CD8A: variants seen among roughly 807,000 people sequenced by gnomAD.
CD8A encodes T-cell surface glycoprotein CD8 alpha chain.
CD8A carries 25 observed loss-of-function variants against 24.2 expected under a neutral mutation model. That is an observed-to-expected ratio of 1.03 (90% CI 0.75 to 1.44). The LOEUF is 1.44. Among genes scored for constraint, CD8A ranks in the 40% most tolerant of loss-of-function variants. The pLI is 0.00. For missense variants in CD8A, 360 were observed against 319.7 expected (o/e 1.13, Z -0.96); for synonymous variants, 165 against 149.9 (o/e 1.10, Z -0.74).
chr2:86,787,898 AGTGTGT>A (rs34388912), intron 5 of CD8A, among the ~76,000 whole-genome samples: 2 of 144,490 alleles, frequency 1.4e-5, no homozygotes, highest in African/African-American at 2.6e-5. Flanking sequence ...AGAGAGAGAG[AGTGTGT>A]GTGTGTGTGT....
At chr2:86,793,294 T>C (rs1213917571), upstream of CD8A, among the ~76,000 whole-genome samples, 1 of 152,214 alleles carries the variant, frequency 6.6e-6, no homozygotes, top group Non-Finnish European at 1.5e-5. Flanking sequence ...CTGTGGTAGA[T>C]ATAATGTATC....
chr2:86,785,710 GA>G lies in CD8A; in HGVS notation c.*209del, dbSNP rs771094494. The G allele has an allele frequency of 4.2e-6, 3 of 716,320 alleles. No homozygotes were observed. The South Asian group carries it at 4.4e-5, about 10-fold the overall frequency. 44.4% of individuals were successfully genotyped at this position (716,320 alleles called of 1,614,324 possible). On this transcript the variant is annotated 3_prime_UTR_variant, in exon 6 of 6. Transcript: ENST00000283635. ...CGCGATGTGCGCACAACAGTATTGT[GA>G]CCCTTGTGGTGTACTGTAGATTTTA...
At chr2:86,788,665 G>C in intron 4 of CD8A, 105 bp from the exon 5 acceptor site, 1 of 1,101,058 alleles carries the variant, frequency 9.1e-7, no homozygotes, top group South Asian at 1.3e-5. Context: ...GCTGTTTTTT[G>C]GTTTTACAAA....
Position 86,790,406 on chromosome 2 carries a change from T to G in CD8A, c.325A>C (p.Asn109His). The G allele has an allele frequency of 1.9e-6, 3 of 1,614,044 alleles. No individual in the cohort carries two copies. The highest frequency in any genetic ancestry group is 2.5e-6 in the Non-Finnish European group (3 of 1,179,984). Residue 109 changes from asparagine to histidine, a missense_variant, in exon 2 of 6, where the codon AAC becomes CAC. By Grantham distance (68) the Asn-to-His change is moderately conservative (BLOSUM62 1). Coordinates refer to ENST00000283635, the MANE Select transcript of CD8A (RefSeq NM_001768.7). ...GCCGAGCAGAAATAGTAGCCCTCGT[T>G]CTCTCGGCGGAAGTCGCTCAGGGTG... Reference protein sequence around the residue: ...VLTLSDFRRENEGYYFCSALS... With the variant: ...VLTLSDFRREHEGYYFCSALS...
At chr2:86,791,115 G>A, upstream of CD8A, 2 of 681,326 alleles carry the variant, frequency 2.9e-6, no homozygotes, top group Non-Finnish European at 5.4e-6. Flanking sequence ...TGGGGATGAG[G>A]AAAAGGGCTT....
chr2:86,799,667 A>G (rs1363203485), intron 3 of CD8A, among the ~76,000 whole-genome samples: 1 of 152,064 alleles, frequency 6.6e-6, no homozygotes, highest in Non-Finnish European at 1.5e-5. Context: ...GCGGCAGGAG[A>G]ATGGCTTGAA....
chr2:86,786,251 G>C (rs1672992513), intron 5 of CD8A, among the ~76,000 whole-genome samples: 1 of 152,230 alleles, frequency 6.6e-6, no homozygotes, highest in Non-Finnish European at 1.5e-5. Context: ...GGCTGAGCCA[G>C]GATCTAAACC....
chr2:86,786,822 C>T (rs966404564), intron 5 of CD8A, among the ~76,000 whole-genome samples: 9 of 151,760 alleles, frequency 5.9e-5, no homozygotes, highest in African/African-American at 1.5e-4. Flanking sequence ...AGATCGAGAC[C>T]ATCCTGGCTA....
upstream of CD8A, among the ~76,000 whole-genome samples, chr2:86,795,770 T>C (rs552826879): frequency 6.6e-6 from 1 of 152,150 alleles, no homozygotes; most frequent in Non-Finnish European, 1.5e-5. Flanking sequence ...GCCACCCATG[T>C]AAGGCCTAGT....
rs1220913086 is a variant in CD8A at position 86,785,670 on chromosome 2, C to T, written c.*250G>A. On this transcript the variant is annotated 3_prime_UTR_variant, in exon 6 of 6. Transcript: ENST00000283635. ...CTCTGCGGGTAGCTCTGGCCTGCCC[C>T]TTTCCACGCCCTACCGCGATGTGCG... 1.5e-6 allele frequency: 1 copy of T among 675,456 alleles called. No homozygotes were observed. 41.8% of individuals were successfully genotyped at this position (675,456 alleles called of 1,614,324 possible). A position where few individuals can be genotyped will look rare whatever the true frequency, so the allele number is the denominator to read the frequency against.
At chr2:86,786,013 G>T (rs1672984965) in intron 5 of CD8A, 42 bp from the exon 6 acceptor site, 14 of 1,512,216 alleles carry the variant, frequency 9.3e-6, no homozygotes, top group Non-Finnish European at 1.2e-5. Flanking sequence ...CCAGAACCCC[G>T]CCAGTGCAGC....
chr2:86,797,538 G>A (rs1163048229), intron 3 of CD8A, among the ~76,000 whole-genome samples: 3 of 152,128 alleles, frequency 2.0e-5, no homozygotes, highest in African/African-American at 4.8e-5. Context: ...ATTGGTGGAT[G>A]ATAAGATGAG....
chr2:86,807,937 C>A (rs116467335), intron 1 of CD8A, among the ~76,000 whole-genome samples: 1 of 152,084 alleles, frequency 6.6e-6, no homozygotes, highest in African/African-American at 2.4e-5. Context: ...CCAACCGCAC[C>A]GGTGGAGACA....
intron 3 of CD8A, among the ~76,000 whole-genome samples, chr2:86,798,813 T>C (rs34855635): frequency 0.19 from 29,479 of 152,252 alleles, 3,124 homozygotes; most frequent in Non-Finnish European, 0.25. Flanking sequence ...TGAACCACTG[T>C]GCCCAGCCTG....
chr2:86,789,601 G>C (rs1485549573), intron 3 of CD8A, 39 bp downstream of exon 3: 5 of 1,426,940 alleles, frequency 3.5e-6, no homozygotes, highest in Non-Finnish European at 4.7e-6. Flanking sequence ...TCTCCCCGCG[G>C]TGCGTGCCGC....
chr2:86,800,411 G>A (rs1474297155), intron 3 of CD8A, among the ~76,000 whole-genome samples: 3 of 140,516 alleles, frequency 2.1e-5, no homozygotes, highest in African/African-American at 5.3e-5. Context: ...GCAGTGAGCC[G>A]AGATCACACC....
chr2:86,787,331 C>T (rs1573457576), intron 5 of CD8A, among the ~76,000 whole-genome samples: 4 of 151,988 alleles, frequency 2.6e-5, no homozygotes, highest in Non-Finnish European at 5.9e-5. Flanking sequence ...CTAAAAACAA[C>T]AATGTGTAAA....
In CD8A at chr2:86,785,889, T is replaced by C. The variant is rs1395904701; in HGVS notation, c.*31A>G. On this transcript the variant is annotated 3_prime_UTR_variant, in exon 6 of 6. Transcript: ENST00000283635. ...GCTCCCTCAAAAGGAAGGATCTCAG[T>C]TTGAAGTAATGTAGTGGCTGTTGCA... 4 of 1,547,662 alleles carry C rather than the reference T, an allele frequency of 2.6e-6. No homozygotes were observed. The highest frequency in any genetic ancestry group is 3.6e-6 in the Non-Finnish European group (4 of 1,119,762).
In CD8A at chr2:86,806,794, G is replaced by A. The variant is rs1198397778; in HGVS notation, c.-418+653C>T. 2.0e-5 allele frequency among the ~76,000 whole-genome samples: 3 copies of A among 152,190 alleles called. No individual in the cohort carries two copies. In the East Asian group the frequency reaches 5.8e-4, roughly 29 times the overall value. On this transcript the variant is annotated intron_variant, in intron 2 of 8. Transcript: ENST00000409511. ...GCAAGGTCGTCAGTTTGCAAAACAT[G>A]GGAGTGAAAAGCTTTATGGTGGAGT...
Sources: allele counts gnomAD v4.1 joint callset (sites outside exome capture counted in the v4.1 genomes callset), GRCh38; gene constraint gnomAD v4.1.1; transcripts MANE v1.5; gene names NCBI Gene and HGNC (gene_info 2026-07-23, HGNC 2026-07-21).